NUP210L: variants seen among roughly 807,000 people sequenced by gnomAD.
NUP210L encodes the protein nucleoporin 210 like.
Under a neutral mutation model 208.5 loss-of-function variants are expected in NUP210L, and 74 were observed. The ratio of observed to expected loss-of-function variants is 0.35; its 90% CI spans 0.29 to 0.43. The LOEUF (loss-of-function observed/expected upper bound fraction) is 0.43, where lower values mean the gene tolerates loss of function less well. Among genes scored for constraint, NUP210L ranks in the 20% least tolerant of loss-of-function variants. The probability of loss-of-function intolerance (pLI) is 1.00; values close to 1 mark genes in which losing one functional copy is unlikely to be tolerated. For synonymous variants in NUP210L, 780 were observed against 816.9 expected, an observed-to-expected ratio of 0.95 and a Z score of 0.77; for missense variants, 1,843 against 2,289.4, an observed-to-expected ratio of 0.81 and a Z score of 3.98.
chr1:154,103,628 C>T (rs1157769245), intron 13 of NUP210L, among the ~76,000 whole-genome samples: 42 of 133,890 alleles, frequency 3.1e-4, no homozygotes, highest in Admixed American at 3.1e-3. Context: ...GCCGAGATCG[C>T]GCCACTGCAC....
chr1:154,128,304 G>A (rs1057360135), intron 8 of NUP210L, among the ~76,000 whole-genome samples: 1 of 151,688 alleles, frequency 6.6e-6, no homozygotes, highest in East Asian at 1.9e-4. Context: ...TGGGCAACAC[G>A]GCAAGATCCC....
At chr1:154,058,489 A>G (rs1408472052) in intron 21 of NUP210L, 76 bp downstream of exon 21, 1 of 1,503,526 alleles carries the variant, frequency 6.7e-7, no homozygotes, top group African/African-American at 1.4e-5. Flanking sequence ...GTAGCTGAGC[A>G]GAGACTATAT....
At chr1:154,140,666 C>CAAAAAAAAAAAAAAAAAAAAAAA (rs1434093544) in intron 4 of NUP210L, among the ~76,000 whole-genome samples, 14 of 102,466 alleles carry the variant, frequency 1.4e-4, no homozygotes, top group Non-Finnish European at 2.7e-4. Flanking sequence ...GACTCCATCT[C>CAAAAAAAAAAAAAAAAAAAAAAA]AAAAAAAAAA....
At chr1:153,998,226 G>GA (rs1443776748) in intron 37 of NUP210L, among the ~76,000 whole-genome samples, 2 of 152,110 alleles carry the variant, frequency 1.3e-5, no homozygotes, top group African/African-American at 4.8e-5. Context: ...AATAATCAGT[G>GA]AAAGTGCTAA....
chr1:153,995,077 T>C, exon 38 of NUP210L: 13 of 1,595,008 alleles, frequency 8.2e-6, no homozygotes, highest in Non-Finnish European at 1.1e-5. Context: ...GGACTCTACC[T>C]AGGAAGATGG....
At chr1:154,022,015 A>G (rs778732479) in intron 32 of NUP210L, 111 bp downstream of exon 32, 9 of 997,924 alleles carry the variant, frequency 9.0e-6, no homozygotes, top group African/African-American at 1.6e-5. Flanking sequence ...GATTATGGGT[A>G]TAAACCACTA....
intron 7 of NUP210L, among the ~76,000 whole-genome samples, chr1:154,129,600 C>T (rs1189241595): frequency 1.3e-5 from 2 of 152,176 alleles, no homozygotes; most frequent in Non-Finnish European, 2.9e-5. Context: ...AAAGATCATG[C>T]TTTGTGCTTT....
chr1:154,015,749 A>C (rs2873675), intron 33 of NUP210L, among the ~76,000 whole-genome samples: 1,769 of 147,460 alleles, frequency 0.012, 37 homozygotes, highest in African/African-American at 0.04. Flanking sequence ...ACACACACAC[A>C]CCCCACAGAA....
At chr1:154,094,768 T>G (rs1202231072) in intron 15 of NUP210L, among the ~76,000 whole-genome samples, 167 bp downstream of exon 15, 3 of 152,212 alleles carry the variant, frequency 2.0e-5, no homozygotes, top group Non-Finnish European at 4.4e-5. Context: ...CTGGGTATAT[T>G]TTAAGGATAA....
intron 14 of NUP210L, 117 bp downstream of exon 14, chr1:154,099,881 A>G: frequency 9.5e-7 from 1 of 1,053,984 alleles, no homozygotes; most frequent in South Asian, 1.6e-5. Flanking sequence ...TGGCAAGTAA[A>G]GAGAACATAA....
At position 154,104,216 on chromosome 1, in the gene NUP210L, G is replaced by A; in HGVS notation, c.1621-6C>T. On this transcript the variant is annotated splice_region_variant and splice_polypyrimidine_tract_variant and intron_variant, in intron 12 of 39. Transcript: ENST00000368559. ...TTCAGTTTCAGGACATGTATCTGGA[G>A]GGGAAAAATTCATCTTTCAAGAAAG... 6.2e-7 allele frequency: 1 copy of A among 1,610,778 alleles called. No homozygotes were observed.
At chr1:154,104,400 G>A in intron 12 of NUP210L, 190 bp from the exon 13 acceptor site, 1 of 580,368 alleles carries the variant, frequency 1.7e-6, no homozygotes, top group Non-Finnish European at 3.1e-6. Flanking sequence ...ACAGTACCTG[G>A]TTTTAACATC....
rs1649561118 is a variant in NUP210L at position 153,993,006 on chromosome 1, C to CT, written c.5566+8dup. 6.2e-7 allele frequency: 1 copy of CT among 1,612,470 alleles called. No individual in the cohort carries two copies. The highest frequency in any genetic ancestry group is 8.5e-7 in the Non-Finnish European group (1 of 1,179,218). The stretch of plus-strand genomic sequence containing the variant: ...AGCTTTTCAAAGATGAGGACAGAGG[C>CT]TTTTTTACCTGGCTGTGGTGTTCCT... On this transcript the variant is annotated intron_variant, in intron 39 of 39. Coordinates refer to ENST00000368559, the Ensembl canonical transcript of NUP210L.
intron 37 of NUP210L, among the ~76,000 whole-genome samples, chr1:153,995,390 G>A (rs1382104810): frequency 2.0e-5 from 3 of 152,148 alleles, no homozygotes; most frequent in Non-Finnish European, 2.9e-5. Context: ...AAGAGTATCT[G>A]CCAGAAGTAT....
intron 12 of NUP210L, among the ~76,000 whole-genome samples, chr1:154,117,034 G>GT (rs1479998971): frequency 6.6e-6 from 1 of 152,158 alleles, no homozygotes; most frequent in Non-Finnish European, 1.5e-5. Context: ...GTAGAGCACT[G>GT]TAACAAATGC....
chr1:154,085,565 C>T (rs1190192060), intron 16 of NUP210L, among the ~76,000 whole-genome samples: 1 of 152,146 alleles, frequency 6.6e-6, no homozygotes, highest in Admixed American at 6.6e-5. Flanking sequence ...ACTCCTCAAA[C>T]TGATCTACAG....
chr1:154,001,449 G>A (rs748963880), intron 36 of NUP210L, among the ~76,000 whole-genome samples: 1 of 152,092 alleles, frequency 6.6e-6, no homozygotes, highest in Non-Finnish European at 1.5e-5. Flanking sequence ...ACCCACTTTG[G>A]CCTCCCAAAG....
chr1:154,062,229 C>A (rs772139558), intron 17 of NUP210L, among the ~76,000 whole-genome samples: 1 of 152,028 alleles, frequency 6.6e-6, no homozygotes, highest in Non-Finnish European at 1.5e-5. Context: ...CTGGGCCAGG[C>A]GAAATCTAAA....
At chr1:154,098,087 C>G (rs1656262889) in intron 14 of NUP210L, among the ~76,000 whole-genome samples, 1 of 152,238 alleles carries the variant, frequency 6.6e-6, no homozygotes, top group South Asian at 2.1e-4. Context: ...CAGTCAGGCA[C>G]ACCAGTTGCT....
Sources: allele counts gnomAD v4.1 joint callset (sites outside exome capture counted in the v4.1 genomes callset), GRCh38; gene constraint gnomAD v4.1.1; transcripts MANE v1.5; gene names NCBI Gene and HGNC (gene_info 2026-07-23, HGNC 2026-07-21).